GOLGA4: variants seen among roughly 807,000 people sequenced by gnomAD.
GOLGA4 encodes golgin subfamily A member 4.
In GOLGA4, 169 loss-of-function variants were observed where a neutral mutation model predicts 265.9. The observed-to-expected ratio is 0.64, with a 90% confidence interval of 0.56 to 0.72. GOLGA4 has a LOEUF of 0.72. Among genes scored for constraint, GOLGA4 ranks in the 30% least tolerant of loss-of-function variants. The pLI is 0.00. For missense variants in GOLGA4, 2,482 were observed against 2,483.4 expected (o/e 1.00, Z 0.01); for synonymous variants, 923 against 855.8 (o/e 1.08, Z -1.37).
chr3:37,246,514 A>T (rs1011109649), intron 1 of GOLGA4, among the ~76,000 whole-genome samples: 4 of 152,208 alleles, frequency 2.6e-5, no homozygotes, highest in Non-Finnish European at 4.4e-5. Context: ...AGAAGTATAG[A>T]TACAAAAGGA....
intron 23 of GOLGA4, among the ~76,000 whole-genome samples, chr3:37,362,269 C>T (rs1696358656): frequency 6.9e-6 from 1 of 145,484 alleles, no homozygotes; most frequent in African/African-American, 2.6e-5. Context: ...CGGAGTCTCG[C>T]TCTGTCGCCC....
At chr3:37,269,942 G>A (rs1415939085) in intron 2 of GOLGA4, among the ~76,000 whole-genome samples, 1 of 122,760 alleles carries the variant, frequency 8.1e-6, no homozygotes, top group African/African-American at 3.2e-5. Flanking sequence ...CACCCAGGCT[G>A]AAGTGCAGTG....
chr3:37,286,029 C>A lies in GOLGA4; in HGVS notation c.493C>A (p.Gln165Lys). The change falls in exon 4 of 24, where the codon CAG (glutamine) becomes AAG (lysine). Residue 165 changes from glutamine (Q) to lysine (K), a missense_variant. This residue lies in a region of GOLGA4 where 1,536 missense variants were observed against 1,483.7 expected (regional missense o/e 1.04). Transcript: ENST00000361924. Reference sequence around the variant, plus strand: ...TATATTTTAGCTTGTTACAGCTTATCAGATGCTTCAGAGAGAGAAGAAAAA... The same window carrying A: ...TATATTTTAGCTTGTTACAGCTTATAAGATGCTTCAGAGAGAGAAGAAAAA... ...GKYSELVTAY[Q>K]MLQREKKKLQ... The A allele has an allele frequency of 6.4e-7, 1 of 1,566,280 alleles. No homozygotes were observed. Among genetic ancestry groups the A allele is most frequent in the Non-Finnish European group, 8.7e-7 (1 of 1,143,066 alleles).
At chr3:37,275,729 G>C in intron 2 of GOLGA4, 1 of 1,612,632 alleles carries the variant, frequency 6.2e-7, no homozygotes. Flanking sequence ...CAAGAAGATG[G>C]ACAAGATGGT....
At chr3:37,279,608 T>TAA (rs2096829141) in intron 2 of GOLGA4, among the ~76,000 whole-genome samples, 1 of 152,086 alleles carries the variant, frequency 6.6e-6, no homozygotes, top group South Asian at 2.1e-4. Flanking sequence ...GTTGAAAATG[T>TAA]TAAAAAGTCC....
intron 1 of GOLGA4, among the ~76,000 whole-genome samples, chr3:37,245,989 G>T (rs573566174): frequency 7.9e-5 from 12 of 152,026 alleles, no homozygotes; most frequent in Admixed American, 7.2e-4. Flanking sequence ...GTGGCCTTAC[G>T]CCTGTAATCC....
chr3:37,333,433 A>G lies in GOLGA4; in HGVS notation c.6193-1620A>G, dbSNP rs528867624. ...AGAAGGCTTTTATAAAGGAAATTAC[A>G]TAACTGTTCCTTAAATTAGAAATGA... On this transcript the variant is annotated intron_variant, in intron 16 of 23. Coordinates refer to ENST00000361924, the MANE Select transcript of GOLGA4 (RefSeq NM_002078.5). Among the ~76,000 whole-genome samples, 4 of 152,332 alleles carry G rather than the reference A, an allele frequency of 2.6e-5. No individual in the cohort carries two copies. The South Asian group carries it at 6.2e-4, about 24-fold the overall frequency.
At chr3:37,333,580 G>A (rs1439762480) in intron 16 of GOLGA4, among the ~76,000 whole-genome samples, 3 of 152,238 alleles carry the variant, frequency 2.0e-5, no homozygotes, top group South Asian at 4.2e-4. Context: ...GACTAAATAA[G>A]TAGCTATAGA....
In GOLGA4 at chr3:37,320,433, C is replaced by T. The variant is rs1380095510; in HGVS notation, c.1545+1239C>T. On this transcript the variant is annotated intron_variant, in intron 12 of 23. Coordinates refer to ENST00000361924, the MANE Select transcript of GOLGA4 (RefSeq NM_002078.5). ...TTTCACTCTTAGTTGCATCTGGGGC[C>T]CCGAGAATTTCTAGCAGCAGTGATT... The T allele has an allele frequency of 2.6e-5, 4 of 151,994 alleles. No homozygotes were observed. In the East Asian group the frequency reaches 7.7e-4, roughly 29 times the overall value. 9.4% of individuals were successfully genotyped at this position (151,994 alleles called of 1,614,324 possible).
In GOLGA4 at chr3:37,335,120, A is replaced by G; in HGVS notation, c.6260A>G (p.Lys2087Arg). Residue 2087 changes from lysine to arginine, a missense_variant, in exon 17 of 24, where the codon AAA becomes AGA. By Grantham distance (26) the Lys-to-Arg change is conservative. Around this residue, in one of 3 missense-constraint regions of GOLGA4, gnomAD observed 942 missense variants for 983.1 expected, o/e 0.96. Coordinates refer to ENST00000361924, the MANE Select transcript of GOLGA4 (RefSeq NM_002078.5). ...LQTQLEELQK[K>R]YQQKLEQEEN... ...ACTCAACTTGAGGAGCTGCAGAAGA[A>G]ATACCAGCAAAAGCTAGAGCAGGAG... The G allele has an allele frequency of 6.2e-7, 1 of 1,608,690 alleles. No individual in the cohort carries two copies. Among genetic ancestry groups the G allele is most frequent in the Non-Finnish European group, 8.5e-7 (1 of 1,176,694 alleles).
chr3:37,271,793 A>G (rs1301483634), intron 2 of GOLGA4, among the ~76,000 whole-genome samples: 1 of 152,218 alleles, frequency 6.6e-6, no homozygotes, highest in Non-Finnish European at 1.5e-5. Context: ...ACTGGGCTGC[A>G]CAGCAGGAGG....
At chr3:37,276,133 G>T in intron 2 of GOLGA4, 1 of 1,607,854 alleles carries the variant, frequency 6.2e-7, no homozygotes, top group Non-Finnish European at 8.5e-7. Context: ...GTAGGGAGAT[G>T]CTTGCTGCAG....
intron 7 of GOLGA4, among the ~76,000 whole-genome samples, chr3:37,297,638 A>G (rs1182013529): frequency 1.3e-5 from 2 of 152,200 alleles, no homozygotes; most frequent in Non-Finnish European, 2.9e-5. Flanking sequence ...AGATTAAACA[A>G]CTAATACTAA....
rs2150958440 is a variant in GOLGA4 at position 37,323,659 on chromosome 3, T to C, written c.1773T>C (p.Ala591=). The change falls in exon 14 of 24, where the codon GCT becomes GCC. Residue 591 remains alanine, a synonymous_variant. Coordinates refer to ENST00000361924, the MANE Select transcript of GOLGA4 (RefSeq NM_002078.5). ...ACAAAAATCAGTCAAAAGATTTGGC[T>C]GTTCATCTGGAAGCTGAAAAAAATA... ...QENKNQSKDL[A]VHLEAEKNKH... is the part of the protein sequence containing the mutation. 1.3e-6 allele frequency: 2 copies of C among 1,593,972 alleles called. No homozygotes were observed. The highest frequency in any genetic ancestry group is 1.7e-6 in the Non-Finnish European group (2 of 1,174,582).
rs2097044290 is a variant in GOLGA4 at position 37,343,276 on chromosome 3, C to T, written c.6472+3077C>T. Among the ~76,000 whole-genome samples the T allele has an allele frequency of 3.3e-5, 5 of 152,386 alleles. No homozygotes were observed. The South Asian group carries it at 1.0e-3, about 32-fold the overall frequency. On this transcript the variant is annotated intron_variant, in intron 20 of 23. Coordinates refer to ENST00000361924, the MANE Select transcript of GOLGA4 (RefSeq NM_002078.5). ...AGCTGGGATTATAGGCATGCGCCTC[C>T]ACGCCTGGCTAATTTTGTATTTCTA...
rs1253133335 is a variant in GOLGA4, at chr3:37,299,819, GC to G, written c.1086+449del. 5.9e-5 allele frequency among the ~76,000 whole-genome samples: 9 copies of G among 152,094 alleles called. No homozygotes were observed. The East Asian group carries it at 1.2e-3, about 20-fold the overall frequency. ...AATCTCAGCACTTTGGGAGGCTGAG[GC>G]GGGAGGATTGCTTGAAGCCAGAAGT... On this transcript the variant is annotated intron_variant, in intron 9 of 23. Transcript: ENST00000361924.
chr3:37,286,134 CTT>C, intron 4 of GOLGA4, 73 bp downstream of exon 4: 1 of 148,466 alleles, frequency 6.7e-6, no homozygotes, highest in Non-Finnish European at 1.3e-5. Context: ...TAAGATATTT[CTT>C]TCTTTTTTTT....
chr3:37,293,968 T>C (rs1292089763), intron 5 of GOLGA4, among the ~76,000 whole-genome samples: 3 of 152,200 alleles, frequency 2.0e-5, no homozygotes, highest in Non-Finnish European at 4.4e-5. Context: ...CATATCCAAG[T>C]CTATCTAAAC....
Position 37,298,844 on chromosome 3 carries a change from A to G in GOLGA4, c.826A>G (p.Thr276Ala), listed in dbSNP as rs772013857. ...TGCTTTATTGTTAGTGGAAGATGGA[A>G]CTTCTGTAAAAACACTGGAAACACT... ...SDGEPVVEDG[T>A]SVKTLETLQQ... Residue 276 changes from threonine to alanine, a missense_variant, in exon 8 of 24, where the codon ACT (threonine) becomes GCT (alanine). Physicochemically the swap from Thr to Ala is moderately conservative, Grantham distance 58. Around this residue, in one of 3 missense-constraint regions of GOLGA4, gnomAD observed 1,536 missense variants for 1,483.7 expected, o/e 1.04. Transcript: ENST00000361924. 3.1e-5 allele frequency: 49 copies of G among 1,603,708 alleles called. No individual in the cohort carries two copies. Among genetic ancestry groups the G allele is most frequent in the Non-Finnish European group, 4.1e-5 (48 of 1,176,952 alleles).
Sources: gnomAD v4.1 joint callset for allele counts (sites outside exome capture counted in the v4.1 genomes callset) on GRCh38, gnomAD v4.1.1 for gene constraint, gnomAD v4.1.1 regional missense constraint, MANE v1.5 for transcripts, NCBI Gene and HGNC (gene_info 2026-07-23, HGNC 2026-07-21) for gene names.